The following GOSR2 variants were observed in gnomAD, a reference collection of about 807,000 sequenced individuals.
GOSR2 encodes golgi SNAP receptor complex member 2, also known as 27 kDa Golgi SNARE protein.
GOSR2 carries 20 observed loss-of-function variants against 27.9 expected under a neutral mutation model. The observed-to-expected ratio is 0.72, with a 90% confidence interval of 0.50 to 1.04. GOSR2 has a LOEUF of 1.04. GOSR2 is among the 50% of genes least tolerant of loss of function. The probability of loss-of-function intolerance (pLI) is 0.00; values close to 1 mark genes in which losing one functional copy is unlikely to be tolerated. For synonymous variants in GOSR2, 91 were observed against 98.8 expected (o/e 0.92, Z 0.47); for missense variants, 261 against 270.5 (o/e 0.97, Z 0.25).
intron 6 of GOSR2, among the ~76,000 whole-genome samples, chr17:46,950,959 G>A (rs2090295248): frequency 6.6e-6 from 1 of 152,176 alleles, no homozygotes; most frequent in South Asian, 2.1e-4. Context: ...ATCCAGTGCT[G>A]CTGCCCAGGG....
intron 1 of GOSR2, among the ~76,000 whole-genome samples, chr17:46,927,239 TG>T (rs2086630123): frequency 6.6e-6 from 1 of 152,260 alleles, no homozygotes; most frequent in African/African-American, 2.4e-5. Context: ...TTTGACTTTT[TG>T]TATTGATTTG....
rs909171157 is a variant in GOSR2 at position 46,939,795 on chromosome 17, C to T, written c.*1035C>T. On this transcript the variant is annotated 3_prime_UTR_variant, in exon 6 of 6. Coordinates refer to ENST00000640051, the MANE Select transcript of GOSR2 (RefSeq NM_004287.5). ...ACCTTTTTCCTTCTGTGACCAGCCC[C>T]GGATTCAGGCTGTACTAATACCAGG... 1.6e-5 allele frequency: 16 copies of T among 987,096 alleles called. No individual in the cohort carries two copies. The East Asian group carries it at 5.7e-4, about 35-fold the overall frequency. 61.1% of individuals were successfully genotyped at this position (987,096 alleles called of 1,614,324 possible).
intron 1 of GOSR2, 25 bp downstream of exon 1, chr17:46,923,246 A>T: frequency 6.4e-7 from 1 of 1,550,992 alleles, no homozygotes; most frequent in Non-Finnish European, 8.7e-7. Flanking sequence ...GGGAGCGGGC[A>T]GGGGCTAGAC....
intron 6 of GOSR2, among the ~76,000 whole-genome samples, chr17:46,972,843 C>T (rs992894154): frequency 6.6e-6 from 1 of 152,066 alleles, no homozygotes; most frequent in African/African-American, 2.4e-5. Flanking sequence ...GCCTGAGTTG[C>T]CTTCACCTCT....
chr17:46,975,117 T>C (rs968322648), intron 6 of GOSR2: 9 of 151,982 alleles, frequency 5.9e-5, no homozygotes, highest in African/African-American at 2.2e-4. Flanking sequence ...TGAGCGTCTA[T>C]TAAATGCCAG....
chr17:46,943,639 C>T (rs1428945784), downstream of GOSR2, among the ~76,000 whole-genome samples: 9 of 152,100 alleles, frequency 5.9e-5, no homozygotes, highest in Non-Finnish European at 7.4e-5. Context: ...ATCGGGTAAG[C>T]GGCTGCAGGA....
chr17:46,956,683 A>G (rs1472669948), intron 6 of GOSR2, among the ~76,000 whole-genome samples: 1 of 152,166 alleles, frequency 6.6e-6, no homozygotes. Context: ...GTCAAATGCA[A>G]GTAGACGCTG....
At chr17:46,934,740 G>A (rs1464753393) in intron 4 of GOSR2, among the ~76,000 whole-genome samples, 1 of 152,224 alleles carries the variant, frequency 6.6e-6, no homozygotes, top group East Asian at 1.9e-4. Context: ...TGAAGGAATA[G>A]CTTTTCCTAA....
intron 5 of GOSR2, chr17:46,935,879 C>T (rs1321672782): frequency 3.0e-6 from 3 of 985,868 alleles, no homozygotes; most frequent in African/African-American, 1.7e-5. Context: ...GATAATAGGG[C>T]GTGGGTTCTG....
At chr17:46,963,019 C>G (rs965684285) in intron 6 of GOSR2, among the ~76,000 whole-genome samples, 2 of 150,228 alleles carry the variant, frequency 1.3e-5, no homozygotes, top group Non-Finnish European at 3.0e-5. Flanking sequence ...TGCCACATGG[C>G]TAATAAAGAA....
chr17:46,940,389 G>C lies in GOSR2; in HGVS notation c.*1629G>C, dbSNP rs571274611. ...AAAGCAGTGACTGGAGGGTGGACTG[G>C]GGGGTTGCAGCATCTTTAGACCTAG... On this transcript the variant is annotated 3_prime_UTR_variant, in exon 6 of 6. Transcript: ENST00000640051. 23 of 1,546,254 alleles carry C rather than the reference G, an allele frequency of 1.5e-5. No homozygotes were observed. The East Asian group carries it at 3.0e-4, about 20-fold the overall frequency.
downstream of GOSR2, among the ~76,000 whole-genome samples, chr17:46,971,336 CAAAATTAATTAATTAATT>C (rs1282542751): frequency 6.6e-6 from 1 of 152,056 alleles, no homozygotes; most frequent in East Asian, 1.9e-4. Flanking sequence ...GACTCCTTCT[CAAAATTAATTAATTAATT>C]AATTAAAAAG....
In GOSR2 at chr17:46,924,074, T is replaced by C. The variant is rs1598912031; in HGVS notation, c.29+853T>C. ...CACAACTTACATCACTACGATCCATTTCCAGAACTTTTTCATCATCCCAGT... is the reference window on the plus strand; with the variant it reads ...CACAACTTACATCACTACGATCCATCTCCAGAACTTTTTCATCATCCCAGT... On this transcript the variant is annotated intron_variant, in intron 1 of 5. Transcript: ENST00000640051. Among the ~76,000 whole-genome samples the C allele has an allele frequency of 2.0e-5, 3 of 152,346 alleles. No homozygotes were observed. In the South Asian group the frequency reaches 6.2e-4, roughly 32 times the overall value.
rs757598206 is a variant in GOSR2 at position 46,940,660 on chromosome 17, A to G, written c.*1900A>G. ...GGAGGCAGAAGTCCCCGCACCCATCATGCGTGGACTGATAGGACATCTTTT... is the reference window on the plus strand; with the variant it reads ...GGAGGCAGAAGTCCCCGCACCCATCGTGCGTGGACTGATAGGACATCTTTT... On this transcript the variant is annotated 3_prime_UTR_variant, in exon 6 of 6. Transcript: ENST00000640051. 2 of 1,613,068 alleles carry G rather than the reference A, an allele frequency of 1.2e-6. No homozygotes were observed. Among genetic ancestry groups the G allele is most frequent in the African/African-American group, 2.7e-5 (2 of 74,910 alleles).
chr17:46,938,911 A>G lies in GOSR2; in HGVS notation c.*151A>G. ...GGGAGTGATTGTGGTCTAATTTCCAACCTGCTCTGTTTTCTGTGACATCTT... is the reference window on the plus strand; with the variant it reads ...GGGAGTGATTGTGGTCTAATTTCCAGCCTGCTCTGTTTTCTGTGACATCTT... On this transcript the variant is annotated 3_prime_UTR_variant, in exon 6 of 6. Transcript: ENST00000640051. 1.3e-6 allele frequency: 2 copies of G among 1,523,698 alleles called. No individual in the cohort carries two copies. Among genetic ancestry groups the G allele is most frequent in the African/African-American group, 1.4e-5 (1 of 72,914 alleles). 94.4% of individuals were successfully genotyped at this position (1,523,698 alleles called of 1,614,324 possible).
intron 6 of GOSR2, chr17:46,952,660 C>T (rs1333152925): frequency 6.6e-6 from 1 of 152,100 alleles, no homozygotes; most frequent in Admixed American, 6.6e-5. Flanking sequence ...GCTTTTATTC[C>T]AGCTATGTGA....
chr17:46,923,365 T>C, intron 1 of GOSR2, 144 bp downstream of exon 1: 2 of 1,484,540 alleles, frequency 1.3e-6, no homozygotes, highest in African/African-American at 1.4e-5. Context: ...TCCGAAGTGC[T>C]TAATCCTTGG....
chr17:46,935,897 T>C (rs1391298425), intron 5 of GOSR2: 6 of 985,846 alleles, frequency 6.1e-6, no homozygotes, highest in South Asian at 4.7e-5. Flanking sequence ...CTGTCTGTTA[T>C]CAGGGTGTGG....
At chr17:46,950,553 A>C (rs1002543483) in intron 6 of GOSR2, among the ~76,000 whole-genome samples, 1 of 152,246 alleles carries the variant, frequency 6.6e-6, no homozygotes, top group Non-Finnish European at 1.5e-5. Flanking sequence ...CAGGCAGCTT[A>C]TTAGGCCCAT....
Sources: allele counts gnomAD v4.1 joint callset (sites outside exome capture counted in the v4.1 genomes callset), GRCh38; gene constraint gnomAD v4.1.1; transcripts MANE v1.5; gene names NCBI Gene and HGNC (gene_info 2026-07-23, HGNC 2026-07-21).